Variants in FGD6 observed in about 807,000 individuals in gnomAD.
The protein encoded by FGD6 is FYVE, RhoGEF and PH domain-containing protein 6.
FGD6 carries 90 observed loss-of-function variants against 149.4 expected under a neutral mutation model. That is an observed-to-expected ratio of 0.60 (90% confidence interval 0.51 to 0.72). The LOEUF is 0.72. Among genes scored for constraint, FGD6 ranks in the 30% least tolerant of loss-of-function variants. The pLI is 0.00. For missense variants in FGD6, 1,437 were observed against 1,684.8 expected, an observed-to-expected ratio of 0.85 and a Z score of 2.57; for synonymous variants, 527 against 584.0, an observed-to-expected ratio of 0.90 and a Z score of 1.41.
intron 20 of FGD6, among the ~76,000 whole-genome samples, chr12:95,081,787 C>T (rs764150099): frequency 8.6e-5 from 13 of 150,356 alleles, no homozygotes; most frequent in Non-Finnish European, 1.5e-4. Context: ...TGGGTTCAAG[C>T]GATTCCTCCC....
chr12:95,201,500 A>G (rs2056662210), intron 2 of FGD6, among the ~76,000 whole-genome samples: 1 of 152,232 alleles, frequency 6.6e-6, no homozygotes. Context: ...CCACTCAGTT[A>G]TGACTACTGC....
chr12:95,142,649 C>G (rs1179673566), intron 5 of FGD6, among the ~76,000 whole-genome samples: 1 of 152,208 alleles, frequency 6.6e-6, no homozygotes, highest in Non-Finnish European at 1.5e-5. Context: ...CTTGGGCCAG[C>G]CTGATTTCCC....
At chr12:95,120,615 A>G (rs1020083663) in intron 8 of FGD6, among the ~76,000 whole-genome samples, 7 of 152,050 alleles carry the variant, frequency 4.6e-5, no homozygotes, top group Non-Finnish European at 8.8e-5. Context: ...TAAACTCCGG[A>G]GGCAGAGGTT....
At chr12:95,104,056 C>A (rs1237566551) in intron 14 of FGD6, among the ~76,000 whole-genome samples, 1 of 152,126 alleles carries the variant, frequency 6.6e-6, no homozygotes, top group Non-Finnish European at 1.5e-5. Flanking sequence ...TTTGAAATAG[C>A]CACTTAAAAA....
chr12:95,141,096 G>A (rs1201619211), intron 6 of FGD6, among the ~76,000 whole-genome samples: 7 of 152,102 alleles, frequency 4.6e-5, no homozygotes, highest in East Asian at 3.9e-4. Context: ...GGTGGCACAC[G>A]CCTATAATCC....
intron 15 of FGD6, among the ~76,000 whole-genome samples, chr12:95,093,474 G>A (rs1184986934): frequency 6.6e-6 from 1 of 152,080 alleles, no homozygotes; most frequent in African/African-American, 2.4e-5. Flanking sequence ...AAGATTGGGA[G>A]TTCAAGACCA....
Position 95,141,629 on chromosome 12 carries a change from T to TA in FGD6, c.2686-91dup, listed in dbSNP as rs1879849419. 7 of 1,421,098 alleles carry TA rather than the reference T, an allele frequency of 4.9e-6. No homozygotes were observed. In the Admixed American group the frequency reaches 1.3e-4, roughly 27 times the overall value. The allele number at this position is 1,421,098 out of a possible 1,614,324, so 88.0% of individuals were successfully genotyped here. A position where few individuals can be genotyped will look rare whatever the true frequency, so the allele number is the denominator to read the frequency against. ...TCAGTCCCCCTCCTCCCTAAAATGA[T>TA]ACAGATTGCACAGCTGTATTTCTCA... is the stretch of plus-strand genomic sequence containing the variant. On this transcript the variant is annotated intron_variant, in intron 5 of 20. Transcript: ENST00000343958.
Position 95,210,747 on chromosome 12 carries a change from T to C in FGD6, c.537A>G (p.Leu179=). 1 of 1,614,148 alleles carries C rather than the reference T, an allele frequency of 6.2e-7. No homozygotes were observed. Among genetic ancestry groups the C allele is most frequent in the Non-Finnish European group, 8.5e-7 (1 of 1,180,028 alleles). ...QGGVVLKASV[L]EEELKDALIH... ...TTAAGGCATCTTTGAGCTCCTCTTC[T>C]AAAACGCTTGCCTTTAAAACAACCC... is the stretch of plus-strand genomic sequence containing the variant. The change falls in exon 2 of 21, where the codon TTA becomes TTG. Residue 179 remains leucine, a synonymous_variant. Coordinates refer to ENST00000343958, the MANE Select transcript of FGD6 (RefSeq NM_018351.4).
rs371185019 is a variant in FGD6, at chr12:95,081,455, G to T, written c.*65C>A. 3 of 1,378,972 alleles carry T rather than the reference G, an allele frequency of 2.2e-6. No homozygotes were observed. The highest frequency in any genetic ancestry group is 2.0e-6 in the Non-Finnish European group (2 of 1,018,482). The allele number at this position is 1,378,972 out of a possible 1,614,324, so 85.4% of individuals were successfully genotyped here. On this transcript the variant is annotated 3_prime_UTR_variant, in exon 21 of 21. Coordinates refer to ENST00000343958, the MANE Select transcript of FGD6 (RefSeq NM_018351.4). ...TTCATTTTTATACAATTTTTGAATT[G>T]CATTTACTCCATTCTGATGAAATTC...
chr12:95,215,229 T>C (rs1157300623), intron 1 of FGD6, among the ~76,000 whole-genome samples: 1 of 152,246 alleles, frequency 6.6e-6, no homozygotes, highest in Non-Finnish European at 1.5e-5. Flanking sequence ...TTTATAGATG[T>C]AGAAAAACAA....
chr12:95,142,957 G>A (rs112182292), intron 5 of FGD6, among the ~76,000 whole-genome samples: 3 of 152,148 alleles, frequency 2.0e-5, no homozygotes, highest in African/African-American at 7.2e-5. Flanking sequence ...GAAAGGGTGG[G>A]GTAGGAGATA....
intron 3 of FGD6, among the ~76,000 whole-genome samples, chr12:95,160,867 A>AAAAAC (rs1186074289): frequency 2.0e-5 from 3 of 151,894 alleles, no homozygotes; most frequent in Non-Finnish European, 4.4e-5. Context: ...TCTGTCTCAA[A>AAAAAC]AAAACAAAAC....
chr12:95,133,565 T>G (rs1350839477), intron 8 of FGD6, among the ~76,000 whole-genome samples: 1 of 152,188 alleles, frequency 6.6e-6, no homozygotes, highest in Non-Finnish European at 1.5e-5. Flanking sequence ...AAGAAAAGCA[T>G]GGACACCATT....
chr12:95,195,064 T>C lies in FGD6; in HGVS notation c.2441+13779A>G, dbSNP rs146503381. On this transcript the variant is annotated intron_variant, in intron 2 of 20. Coordinates refer to ENST00000343958, the MANE Select transcript of FGD6 (RefSeq NM_018351.4). ...GGAGGTAATTTATTTGTTTCCTGGT[T>C]TTCCTGAGGGGACATGAAGTTTACT... 4.3e-3 allele frequency among the ~76,000 whole-genome samples: 662 copies of C among 152,330 alleles called. 7 individuals are homozygous for C. Among genetic ancestry groups the C allele is most frequent in the African/African-American group, 0.015 (623 of 41,574 alleles).
rs944964496 is a variant in FGD6, at chr12:95,177,725, A to G, written c.2442-4981T>C. 6.6e-5 allele frequency among the ~76,000 whole-genome samples: 10 copies of G among 152,254 alleles called. No homozygotes were observed. In the East Asian group the frequency reaches 1.5e-3, roughly 23 times the overall value. ...TATGGGCTTTAAATTAGCAAAATAA[A>G]TTTCAAGTTATTTAGTAGTTATTAT... On this transcript the variant is annotated intron_variant, in intron 2 of 20. Transcript: ENST00000343958.
chr12:95,184,252 C>A (rs939839092), intron 2 of FGD6, among the ~76,000 whole-genome samples: 2 of 152,140 alleles, frequency 1.3e-5, no homozygotes, highest in African/African-American at 4.8e-5. Flanking sequence ...ATAGGAACTA[C>A]AATCATATCT....
Position 95,094,120 on chromosome 12 carries a change from T to C in FGD6, c.3600+472A>G, listed in dbSNP as rs530337921. 8.7e-5 allele frequency among the ~76,000 whole-genome samples: 13 copies of C among 149,910 alleles called. 1 individual carries two copies. Among genetic ancestry groups the C allele is most frequent in the East Asian group, 5.9e-4 (3 of 5,064 alleles). On this transcript the variant is annotated intron_variant, in intron 15 of 20. Coordinates refer to ENST00000343958, the MANE Select transcript of FGD6 (RefSeq NM_018351.4). ...GTTGCAGTGAGCTGAGTTTGCGCCA[T>C]TGCACTCCAGCCTGGGCAATAAGAG...
intron 14 of FGD6, among the ~76,000 whole-genome samples, chr12:95,104,158 C>A (rs2136239528): frequency 6.6e-6 from 1 of 152,274 alleles, no homozygotes. Context: ...CTGCTCTCAG[C>A]CACTTCCTTG....
chr12:95,215,429 A>G (rs905674808), intron 1 of FGD6, among the ~76,000 whole-genome samples: 1 of 152,242 alleles, frequency 6.6e-6, no homozygotes, highest in Admixed American at 6.5e-5. Flanking sequence ...CACCATAATC[A>G]GCTTGTAAGA....
Sources: allele counts gnomAD v4.1 joint callset (sites outside exome capture counted in the v4.1 genomes callset), GRCh38; gene constraint gnomAD v4.1.1; transcripts MANE v1.5; gene names NCBI Gene and HGNC (gene_info 2026-07-23, HGNC 2026-07-21).